Variants in SRSF7 observed in about 807,000 individuals in gnomAD.
The protein encoded by SRSF7 is serine and arginine rich splicing factor 7.
A neutral mutation model predicts 42.2 loss-of-function variants in SRSF7; 15 were observed. The observed-to-expected ratio is 0.36, with a 90% CI of 0.24 to 0.55. The LOEUF (loss-of-function observed/expected upper bound fraction) is 0.55, where lower values mean the gene tolerates loss of function less well. Ranked by LOEUF, SRSF7 falls within the 20% of genes least tolerant of loss-of-function variation. SRSF7 has a pLI of 0.88. For synonymous variants in SRSF7, 138 were observed against 107.9 expected (o/e 1.28, Z -1.73); for missense variants, 181 against 305.9 (o/e 0.59, Z 3.04).
In SRSF7 at chr2:38,744,764, G is replaced by A; in HGVS notation, c.*369C>T. 5.2e-6 allele frequency: 1 copy of A among 192,982 alleles called. No homozygotes were observed. The highest frequency in any genetic ancestry group is 1.1e-5 in the Non-Finnish European group (1 of 93,714). 12.0% of individuals were successfully genotyped at this position (192,982 alleles called of 1,614,324 possible). On this transcript the variant is annotated 3_prime_UTR_variant, in exon 8 of 8. Transcript: ENST00000313117. ...GGCCAAGTTTTATGCATAGAATAGT[G>A]ATGTTCAAGACTTAACCAACACCTT...
At chr2:38,750,683 T>A (rs532748118) in intron 1 of SRSF7, 1 of 118,934 alleles carries the variant, frequency 8.4e-6, no homozygotes, top group Non-Finnish European at 1.9e-5. Context: ...TAAACCGCGC[T>A]GGAAATAACT....
intron 1 of SRSF7, chr2:38,750,977 C>G: frequency 2.3e-6 from 1 of 437,824 alleles, no homozygotes; most frequent in Non-Finnish European, 4.2e-6. Flanking sequence ...CGAAAACCGT[C>G]ATCTCAACCC....
At chr2:38,747,386 A>T (rs1163363934) in intron 5 of SRSF7, among the ~76,000 whole-genome samples, 7 of 152,338 alleles carry the variant, frequency 4.6e-5, no homozygotes, top group Non-Finnish European at 1.0e-4. Flanking sequence ...TTGTGCTATT[A>T]AACAGCAATT....
chr2:38,751,107 G>C, intron 1 of SRSF7, 122 bp downstream of exon 1: 3 of 1,333,768 alleles, frequency 2.2e-6, no homozygotes, highest in Non-Finnish European at 3.2e-6. Flanking sequence ...TTCGTCTGGC[G>C]TGCTCCTAAG....
intron 1 of SRSF7, among the ~76,000 whole-genome samples, chr2:38,750,578 G>T (rs1416910581): frequency 5.3e-5 from 8 of 151,932 alleles, no homozygotes; most frequent in Non-Finnish European, 8.8e-5. Flanking sequence ...GTAGGGGCCG[G>T]GCCAGGAGAG....
intron 2 of SRSF7, 59 bp from the exon 3 acceptor site, chr2:38,749,764 T>C (rs961827939): frequency 8.3e-6 from 12 of 1,452,370 alleles, no homozygotes; most frequent in Non-Finnish European, 8.2e-6. Flanking sequence ...ACTTATAGAT[T>C]TAAAAAGAAC....
At chr2:38,747,942 C>T in intron 5 of SRSF7, 105 bp downstream of exon 5, 1 of 758,254 alleles carries the variant, frequency 1.3e-6, no homozygotes, top group Admixed American at 2.9e-5. Context: ...ACTTTTACAT[C>T]TCAAATATTC....
In SRSF7 at chr2:38,748,573, T is replaced by C. The variant is rs1027582032; in HGVS notation, c.461+6A>G. 3.1e-6 allele frequency: 5 copies of C among 1,613,494 alleles called. No individual in the cohort carries two copies. Among genetic ancestry groups the C allele is most frequent in the Admixed American group, 1.7e-5 (1 of 59,998 alleles). ...ACAGAAAGACTTCAGTTAAACAAGA[T>C]CTCACCTTCGTCCCCTGCTCCTGCT... On this transcript the variant is annotated splice_donor_region_variant and intron_variant, in intron 4 of 7. Coordinates refer to ENST00000313117, the MANE Select transcript of SRSF7 (RefSeq NM_001031684.3).
At chr2:38,746,896 A>G in intron 5 of SRSF7, 149 bp from the exon 6 acceptor site, 1 of 1,336,808 alleles carries the variant, frequency 7.5e-7, no homozygotes, top group Non-Finnish European at 1.0e-6. Flanking sequence ...ACACACTGTC[A>G]AACAAAGTGT....
At chr2:38,747,640 C>T (rs1667666485) in intron 5 of SRSF7, among the ~76,000 whole-genome samples, 1 of 152,114 alleles carries the variant, frequency 6.6e-6, no homozygotes, top group African/African-American at 2.4e-5. Flanking sequence ...CTCAAATCAA[C>T]CCCATCATTC....
intron 5 of SRSF7, chr2:38,747,261 T>C (rs1667585486): frequency 3.2e-6 from 1 of 314,572 alleles, no homozygotes; most frequent in Non-Finnish European, 6.5e-6. Flanking sequence ...GAGCCATCAA[T>C]CTGTCAGACA....
At chr2:38,749,286 A>G in intron 3 of SRSF7, 1 of 1,461,280 alleles carries the variant, frequency 6.8e-7, no homozygotes, top group Non-Finnish European at 9.2e-7. Flanking sequence ...AAGGCGCCTC[A>G]GCATGATATC....
At position 38,744,819 on chromosome 2, in the gene SRSF7, AG is replaced by A; in HGVS notation, c.*313del. ...TTCTGAATGTAGGTATGTATGAATA[AG>A]GTTAACAATTATAATGTCTGACTCT... On this transcript the variant is annotated 3_prime_UTR_variant, in exon 8 of 8. Coordinates refer to ENST00000313117, the MANE Select transcript of SRSF7 (RefSeq NM_001031684.3). 3.7e-6 allele frequency: 1 copy of A among 273,370 alleles called. No homozygotes were observed. The highest frequency in any genetic ancestry group is 6.9e-6 in the Non-Finnish European group (1 of 145,390). 16.9% of individuals were successfully genotyped at this position (273,370 alleles called of 1,614,324 possible).
At position 38,743,733 on chromosome 2, in the gene SRSF7, C is replaced by G; in HGVS notation, c.*1400G>C. ...ACATAACTTTATACCAACCATAATT[C>G]AGCCAGTCAAAATTCCAAAAACAAT... On this transcript the variant is annotated 3_prime_UTR_variant, in exon 8 of 8. Coordinates refer to ENST00000313117, the MANE Select transcript of SRSF7 (RefSeq NM_001031684.3). 2.6e-5 allele frequency: 4 copies of G among 152,660 alleles called. No individual in the cohort carries two copies. Among genetic ancestry groups the G allele is most frequent in the African/African-American group, 9.6e-5 (4 of 41,460 alleles). 9.5% of individuals were successfully genotyped at this position (152,660 alleles called of 1,614,324 possible). A position where few individuals can be genotyped will look rare whatever the true frequency, so the allele number is the denominator to read the frequency against.
At chr2:38,751,134 G>C (rs1196066423) in intron 1 of SRSF7, 95 bp downstream of exon 1, 1 of 1,540,158 alleles carries the variant, frequency 6.5e-7, no homozygotes, top group Non-Finnish European at 9.0e-7. Context: ...TTACGCACGC[G>C]GAATAACCGT....
At chr2:38,748,275 C>T in intron 4 of SRSF7, 118 bp from the exon 5 acceptor site, 1 of 766,534 alleles carries the variant, frequency 1.3e-6, no homozygotes, top group Non-Finnish European at 2.1e-6. Flanking sequence ...GCGGGAGGAT[C>T]GTTTGAGCCC....
At chr2:38,749,106 A>T in intron 3 of SRSF7, 1 of 1,315,292 alleles carries the variant, frequency 7.6e-7, no homozygotes, top group Non-Finnish European at 1.0e-6. Flanking sequence ...CTCTTTCTAA[A>T]CCGGAGGGGG....
In SRSF7 at chr2:38,744,421, A is replaced by G; in HGVS notation, c.*712T>C. 1.3e-5 allele frequency: 2 copies of G among 152,700 alleles called. No homozygotes were observed. The highest frequency in any genetic ancestry group is 2.4e-5 in the African/African-American group (1 of 41,540). 9.5% of individuals were successfully genotyped at this position (152,700 alleles called of 1,614,324 possible). On this transcript the variant is annotated 3_prime_UTR_variant, in exon 8 of 8. Transcript: ENST00000313117. The stretch of plus-strand genomic sequence containing the variant: ...AAGACCATTGAGAGTAGAACTCCCC[A>G]TATCTTGGGGAGTCCTAATTAACAC...
In SRSF7 at chr2:38,746,704, G is replaced by T; in HGVS notation, c.616C>A (p.Pro206Thr). The T allele has an allele frequency of 6.2e-7, 1 of 1,613,646 alleles. No individual in the cohort carries two copies. Among genetic ancestry groups the T allele is most frequent in the Admixed American group, 1.7e-5 (1 of 59,918 alleles). The stretch of plus-strand genomic sequence containing the variant: ...AAATTTTTACCCTACCTGCTTCTTG[G>T]TCGTGAAATAGACCTGGATCTTGAT... ...SRSRSRSISR[P>T]RSSRSKSRSP... Residue 206 changes from proline to threonine, a missense_variant, in exon 6 of 8, where the codon CCA (proline) becomes ACA (threonine). Around this residue, in one of 2 missense-constraint regions of SRSF7, gnomAD observed 136 missense variants for 147.8 expected, o/e 0.92. Coordinates refer to ENST00000313117, the MANE Select transcript of SRSF7 (RefSeq NM_001031684.3).
Sources: gnomAD v4.1 joint callset for allele counts (sites outside exome capture counted in the v4.1 genomes callset) on GRCh38, gnomAD v4.1.1 for gene constraint, gnomAD v4.1.1 regional missense constraint, MANE v1.5 for transcripts, NCBI Gene and HGNC (gene_info 2026-07-23, HGNC 2026-07-21) for gene names.